The following UST variants were observed in gnomAD, a reference collection of about 807,000 sequenced individuals.
UST encodes the protein chondroitin sulfate 2-O-sulfotransferase.
Under a neutral mutation model 45.6 loss-of-function variants are expected in UST, and 21 were observed. That is an observed-to-expected ratio of 0.46 (90% CI 0.33 to 0.66). The LOEUF (loss-of-function observed/expected upper bound fraction) is 0.66. Ranked by LOEUF, UST falls within the 30% of genes least tolerant of loss-of-function variation. The probability of loss-of-function intolerance (pLI) is 0.02; values close to 1 mark genes in which losing one functional copy is unlikely to be tolerated. For synonymous variants in UST, 215 were observed against 200.6 expected (o/e 1.07, Z -0.61); for missense variants, 463 against 512.4 (o/e 0.90, Z 0.93).
chr6:148,863,826 C>T (rs1047155687), intron 1 of UST, among the ~76,000 whole-genome samples: 2 of 152,204 alleles, frequency 1.3e-5, no homozygotes, highest in African/African-American at 2.4e-5. Flanking sequence ...GCAAATATTG[C>T]AGAACGGCAA....
At chr6:148,881,228 C>G (rs1305584027) in intron 1 of UST, among the ~76,000 whole-genome samples, 1 of 152,110 alleles carries the variant, frequency 6.6e-6, no homozygotes, top group Non-Finnish European at 1.5e-5. Context: ...TTAAGTTTCT[C>G]TAAGAGGTTA....
At chr6:149,072,530 G>T (rs4897077) in intron 7 of UST, among the ~76,000 whole-genome samples, 2 of 151,812 alleles carry the variant, frequency 1.3e-5, no homozygotes, top group Non-Finnish European at 2.9e-5. Flanking sequence ...GTGCATGCCT[G>T]TAATCTCAGC....
At chr6:148,845,188 T>G (rs1481373633) in intron 1 of UST, among the ~76,000 whole-genome samples, 1 of 152,210 alleles carries the variant, frequency 6.6e-6, no homozygotes, top group Non-Finnish European at 1.5e-5. Context: ...TTGTTCTGTT[T>G]TAAGTTCTTT....
intron 1 of UST, among the ~76,000 whole-genome samples, chr6:148,764,152 T>G (rs1279246500): frequency 6.6e-6 from 1 of 152,212 alleles, no homozygotes; most frequent in African/African-American, 2.4e-5. Context: ...CATTTGTTTG[T>G]GTCATCTACA....
At chr6:149,047,863 G>A (rs1776416392) in intron 7 of UST, among the ~76,000 whole-genome samples, 1 of 152,148 alleles carries the variant, frequency 6.6e-6, no homozygotes, top group African/African-American at 2.4e-5. Flanking sequence ...TTAAAGTAAT[G>A]AGAGGAGATT....
intron 1 of UST, among the ~76,000 whole-genome samples, chr6:148,793,967 G>C (rs780016893): frequency 1.3e-5 from 2 of 152,096 alleles, no homozygotes; most frequent in Non-Finnish European, 2.9e-5. Context: ...TAACATCAGC[G>C]CATATTTCTG....
intron 2 of UST, among the ~76,000 whole-genome samples, chr6:148,893,087 G>A (rs1779050941): frequency 6.6e-6 from 1 of 151,942 alleles, no homozygotes. Flanking sequence ...ACTAAAAGTG[G>A]GTCCAATGGA....
At chr6:149,060,423 G>A (rs918356956) in intron 7 of UST, among the ~76,000 whole-genome samples, 2 of 152,216 alleles carry the variant, frequency 1.3e-5, no homozygotes, top group South Asian at 2.1e-4. Context: ...GCTGTGAGCC[G>A]CAGTGACACA....
At chr6:148,817,183 A>C (rs145108627) in intron 1 of UST, among the ~76,000 whole-genome samples, 2 of 152,372 alleles carry the variant, frequency 1.3e-5, no homozygotes, top group African/African-American at 4.8e-5. Context: ...GTTTGGCTAA[A>C]TAAAGGCTAA....
At chr6:148,998,820 A>T (rs149869351) in intron 5 of UST, among the ~76,000 whole-genome samples, 1 of 152,222 alleles carries the variant, frequency 6.6e-6, no homozygotes, top group Non-Finnish European at 1.5e-5. Context: ...GCTGCCATGT[A>T]TGTGCTGGTC....
At chr6:148,870,253 G>A (rs1374420165) in intron 1 of UST, among the ~76,000 whole-genome samples, 2 of 152,112 alleles carry the variant, frequency 1.3e-5, no homozygotes, top group Non-Finnish European at 1.5e-5. Context: ...TGTGACCTGG[G>A]CTCAGCTTCC....
intron 4 of UST, among the ~76,000 whole-genome samples, chr6:148,958,760 G>T (rs937923259): frequency 6.6e-6 from 1 of 152,056 alleles, no homozygotes; most frequent in Admixed American, 6.5e-5. Flanking sequence ...TGTATTTTTT[G>T]GGGGGCGTAT....
intron 5 of UST, among the ~76,000 whole-genome samples, chr6:148,965,959 C>G (rs756798758): frequency 2.0e-5 from 3 of 149,036 alleles, no homozygotes; most frequent in Non-Finnish European, 3.0e-5. Flanking sequence ...CGCAGTGGCT[C>G]ACGCCTGTAA....
chr6:148,886,292 T>C (rs1414072836), intron 1 of UST, among the ~76,000 whole-genome samples: 3 of 152,232 alleles, frequency 2.0e-5, no homozygotes, highest in African/African-American at 4.8e-5. Flanking sequence ...AATCCATCTC[T>C]GGTATTTGCA....
intron 5 of UST, among the ~76,000 whole-genome samples, chr6:148,982,325 T>C (rs9498186): frequency 6.6e-6 from 1 of 151,946 alleles, no homozygotes; most frequent in African/African-American, 2.4e-5. Flanking sequence ...TCTCGAACAC[T>C]TGACCTCAAA....
intron 1 of UST, among the ~76,000 whole-genome samples, chr6:148,808,792 C>T (rs1777198555): frequency 6.6e-6 from 1 of 152,104 alleles, no homozygotes; most frequent in African/African-American, 2.4e-5. Flanking sequence ...ATGGAGCCCT[C>T]ATGATGGGAT....
At chr6:148,933,158 A>G (rs12527307) in intron 2 of UST, among the ~76,000 whole-genome samples, 1 of 152,166 alleles carries the variant, frequency 6.6e-6, no homozygotes, top group Non-Finnish European at 1.5e-5. Flanking sequence ...AATATTATGA[A>G]TGTTAAGAAA....
intron 1 of UST, among the ~76,000 whole-genome samples, chr6:148,828,795 T>A (rs1777624717): frequency 1.3e-5 from 2 of 152,240 alleles, no homozygotes; most frequent in African/African-American, 4.8e-5. Context: ...TCAGACACTT[T>A]TCAAGTCTTA....
intron 2 of UST, among the ~76,000 whole-genome samples, chr6:148,911,969 G>C (rs890303943): frequency 1.3e-5 from 2 of 152,120 alleles, no homozygotes; most frequent in East Asian, 3.9e-4. Context: ...GACTAAGGGG[G>C]GCAGATCACT....
Sources: gnomAD v4.1 joint callset for allele counts (sites outside exome capture counted in the v4.1 genomes callset) on GRCh38, gnomAD v4.1.1 for gene constraint, MANE v1.5 for transcripts, NCBI Gene and HGNC (gene_info 2026-07-23, HGNC 2026-07-21) for gene names.